THADA: variants seen among roughly 807,000 people sequenced by gnomAD.
THADA encodes the protein tRNA (32-2'-O)-methyltransferase regulator THADA.
Under a neutral mutation model 219.8 loss-of-function variants are expected in THADA, and 213 were observed. The observed-to-expected ratio is 0.97, with a 90% CI of 0.87 to 1.09. The LOEUF (loss-of-function observed/expected upper bound fraction) is 1.09, where lower values mean the gene tolerates loss of function less well. THADA is among the 50% of genes least tolerant of loss of function. The pLI is 0.00. For synonymous variants in THADA, 1,018 were observed against 828.9 expected (o/e 1.23, Z -3.92); for missense variants, 2,956 against 2,311.3 (o/e 1.28, Z -5.72).
intron 1 of THADA, among the ~76,000 whole-genome samples, chr2:43,594,633 T>C (rs937291664): frequency 6.6e-6 from 1 of 152,122 alleles, no homozygotes; most frequent in African/African-American, 2.4e-5. Context: ...GATTTTGCCC[T>C]TCAAGGCCCT....
At chr2:43,510,354 T>C (rs1690250983) in intron 22 of THADA, among the ~76,000 whole-genome samples, 2 of 152,206 alleles carry the variant, frequency 1.3e-5, no homozygotes, top group African/African-American at 2.4e-5. Context: ...CTTTTAAATA[T>C]ATGTGATATA....
intron 36 of THADA, among the ~76,000 whole-genome samples, chr2:43,273,825 G>A (rs1475895103): frequency 1.3e-5 from 2 of 152,102 alleles, no homozygotes; most frequent in African/African-American, 2.4e-5. Flanking sequence ...CAAGGGTCGG[G>A]GCATATGAGA....
chr2:43,406,266 C>T (rs1401512780), intron 28 of THADA, among the ~76,000 whole-genome samples: 1 of 152,192 alleles, frequency 6.6e-6, no homozygotes, highest in African/African-American at 2.4e-5. Context: ...GGTGAAGGTA[C>T]ACAATGCAGT....
intron 7 of THADA, among the ~76,000 whole-genome samples, chr2:43,582,761 G>A (rs1211299261): frequency 6.6e-6 from 1 of 151,640 alleles, no homozygotes; most frequent in Non-Finnish European, 1.5e-5. Context: ...AGAGACAGGG[G>A]TTTCACCATG....
At chr2:43,360,949 C>T (rs1669444203) in intron 29 of THADA, among the ~76,000 whole-genome samples, 1 of 152,088 alleles carries the variant, frequency 6.6e-6, no homozygotes, top group Admixed American at 6.5e-5. Flanking sequence ...TGAGTTCATC[C>T]CCAGGAGACA....
intron 26 of THADA, among the ~76,000 whole-genome samples, chr2:43,453,575 G>A (rs142920265): frequency 1.3e-5 from 2 of 152,310 alleles, no homozygotes; most frequent in East Asian, 1.9e-4. Flanking sequence ...ACATGCAAAT[G>A]AAATTTATTA....
intron 21 of THADA, among the ~76,000 whole-genome samples, chr2:43,534,722 G>A (rs1376184523): frequency 6.6e-6 from 1 of 152,004 alleles, no homozygotes; most frequent in East Asian, 1.9e-4. Flanking sequence ...ATCTGTTGTT[G>A]GACACCCAGG....
At position 43,505,708 on chromosome 2, in the gene THADA, C is replaced by G. The variant is rs1381925190; in HGVS notation, c.3535G>C (p.Gly1179Arg). The change falls in exon 24 of 38, where the codon GGC (glycine) becomes CGC (arginine). Residue 1179 changes from glycine to arginine, a missense_variant. Physicochemically the swap from Gly to Arg is moderately radical, Grantham distance 125. Transcript: ENST00000405975. ...QALLASEPKKGRMDLLKITMK... is the reference protein window; with the variant it reads ...QALLASEPKKRRMDLLKITMK... ...GTTATTTTCAACAAATCCATTCTGC[C>G]TTTCTTTGGTTCAGATGCCAACAGT... 1 of 1,587,590 alleles carries G rather than the reference C, an allele frequency of 6.3e-7. No homozygotes were observed. Among genetic ancestry groups the G allele is most frequent in the Non-Finnish European group, 8.6e-7 (1 of 1,165,114 alleles).
chr2:43,590,616 G>C (rs1362704533), intron 4 of THADA, among the ~76,000 whole-genome samples: 1 of 142,384 alleles, frequency 7.0e-6, no homozygotes, highest in African/African-American at 2.6e-5. Flanking sequence ...CTGCACTCCA[G>C]CCTGGGCGAC....
intron 36 of THADA, among the ~76,000 whole-genome samples, chr2:43,242,406 T>C (rs72875582): frequency 0.022 from 3,331 of 152,332 alleles, 101 homozygotes; most frequent in African/African-American, 0.072. Context: ...TTGTTCAAGA[T>C]CATACAGGAT....
At chr2:43,275,223 T>C (rs536453597) in intron 36 of THADA, among the ~76,000 whole-genome samples, 1 of 152,256 alleles carries the variant, frequency 6.6e-6, no homozygotes, top group East Asian at 1.9e-4. Context: ...CAGGCTGGTC[T>C]TGAACTCCTG....
At chr2:43,260,155 G>A (rs897122700) in intron 36 of THADA, among the ~76,000 whole-genome samples, 8 of 152,052 alleles carry the variant, frequency 5.3e-5, no homozygotes, top group East Asian at 1.9e-4. Flanking sequence ...AGCTGGTCTC[G>A]AACTCCTGAA....
At chr2:43,261,216 CTT>C (rs1181680289) in intron 36 of THADA, among the ~76,000 whole-genome samples, 45 of 77,152 alleles carry the variant, frequency 5.8e-4, no homozygotes, top group African/African-American at 1.8e-3. Flanking sequence ...TTGTGCATTT[CTT>C]TTTTTTTTTT....
chr2:43,554,840 C>G (rs1697158224), intron 17 of THADA, among the ~76,000 whole-genome samples: 1 of 152,122 alleles, frequency 6.6e-6, no homozygotes, highest in Non-Finnish European at 1.5e-5. Flanking sequence ...GCTAAGTACT[C>G]CTTATCTGAA....
intron 26 of THADA, among the ~76,000 whole-genome samples, chr2:43,484,954 C>A (rs6544662): frequency 0.13 from 17,391 of 133,820 alleles, 1,436 homozygotes; most frequent in African/African-American, 0.28. Context: ...AAAAAAAAAA[C>A]AAAAAAAACA....
At chr2:43,237,840 G>C (rs1668206160) in intron 36 of THADA, among the ~76,000 whole-genome samples, 1 of 151,738 alleles carries the variant, frequency 6.6e-6, no homozygotes, top group Admixed American at 6.6e-5. Flanking sequence ...TTGTCAGACT[G>C]GGTGCTGTGG....
chr2:43,577,599 T>C (rs1467052688), intron 9 of THADA, among the ~76,000 whole-genome samples: 1 of 152,122 alleles, frequency 6.6e-6, no homozygotes, highest in African/African-American at 2.4e-5. Flanking sequence ...CAAAGATAAT[T>C]ACTTTGTGTG....
intron 26 of THADA, among the ~76,000 whole-genome samples, chr2:43,439,746 C>G (rs557690952): frequency 6.6e-6 from 1 of 152,074 alleles, no homozygotes; most frequent in African/African-American, 2.4e-5. Context: ...ATCCATGGTT[C>G]GAGGCATCCA....
intron 28 of THADA, among the ~76,000 whole-genome samples, chr2:43,402,123 C>A (rs182849086): frequency 6.6e-6 from 1 of 152,142 alleles, no homozygotes; most frequent in African/African-American, 2.4e-5. Flanking sequence ...AGGTGGAGAA[C>A]CTCCTGCTGC....
Sources: gnomAD v4.1 joint callset for allele counts (sites outside exome capture counted in the v4.1 genomes callset) on GRCh38, gnomAD v4.1.1 for gene constraint, MANE v1.5 for transcripts, NCBI Gene and HGNC (gene_info 2026-07-23, HGNC 2026-07-21) for gene names.